The following STXBP4 variants were observed in gnomAD, a reference collection of about 807,000 sequenced individuals.
The protein encoded by STXBP4 is syntaxin binding protein 4.
Under a neutral mutation model 76.1 loss-of-function variants are expected in STXBP4, and 55 were observed. The ratio of observed to expected loss-of-function variants is 0.72; its 90% CI spans 0.58 to 0.91. STXBP4 has a LOEUF of 0.91. Among genes scored for constraint, STXBP4 ranks in the 40% least tolerant of loss-of-function variants. STXBP4 has a pLI of 0.00. For synonymous variants in STXBP4, 201 were observed against 220.2 expected (o/e 0.91, Z 0.77); for missense variants, 618 against 636.9 (o/e 0.97, Z 0.32).
At chr17:55,100,032 A>C (rs2079544986) in intron 16 of STXBP4, among the ~76,000 whole-genome samples, 1 of 152,186 alleles carries the variant, frequency 6.6e-6, no homozygotes, top group African/African-American at 2.4e-5. Flanking sequence ...AAAAGGGAGA[A>C]ACTAAAGTAA....
intron 4 of STXBP4, among the ~76,000 whole-genome samples, chr17:54,992,050 T>C (rs894138493): frequency 6.6e-6 from 1 of 152,066 alleles, no homozygotes; most frequent in African/African-American, 2.4e-5. Context: ...TCCAAAATAG[T>C]TGTAGTACTT....
intron 1 of STXBP4, among the ~76,000 whole-genome samples, chr17:54,977,795 T>C (rs2077493333): frequency 6.6e-6 from 1 of 152,370 alleles, no homozygotes; most frequent in Non-Finnish European, 1.5e-5. Flanking sequence ...CTAAATGCTG[T>C]CATTTTTGTG....
chr17:55,056,030 T>C (rs1213200277), intron 12 of STXBP4, among the ~76,000 whole-genome samples: 1 of 152,158 alleles, frequency 6.6e-6, no homozygotes, highest in Non-Finnish European at 1.5e-5. Context: ...AAGGTTAAAC[T>C]GACAGCAAGT....
At position 55,030,444 on chromosome 17, in the gene STXBP4, G is replaced by A. The variant is rs919731471; in HGVS notation, c.667-724G>A. Among the ~76,000 whole-genome samples the A allele has an allele frequency of 1.3e-4, 20 of 152,218 alleles. No homozygotes were observed. The East Asian group carries it at 1.4e-3, about 10-fold the overall frequency. On this transcript the variant is annotated intron_variant, in intron 8 of 17. Coordinates refer to ENST00000376352, the MANE Select transcript of STXBP4 (RefSeq NM_178509.6). ...ACTTCCCCTTGTATCTCATTGGCTAGTACCTAGTTAGTTACATGGCCGCAT... is the reference window on the plus strand; with the variant it reads ...ACTTCCCCTTGTATCTCATTGGCTAATACCTAGTTAGTTACATGGCCGCAT...
chr17:55,146,594 G>A (rs1598349669), intron 17 of STXBP4, among the ~76,000 whole-genome samples: 2 of 152,268 alleles, frequency 1.3e-5, no homozygotes, highest in Non-Finnish European at 2.9e-5. Flanking sequence ...GCTGGTGCCT[G>A]TAGTCCCAGC....
At chr17:55,181,316 T>G in the STXBP4 span, among the ~76,000 whole-genome samples, 1 of 152,214 alleles carries the variant, frequency 6.6e-6, no homozygotes, top group South Asian at 2.1e-4. Context: ...ATTTTTTAAA[T>G]AAATCTTAAA....
rs1166474683 is a variant in STXBP4 at position 55,170,376 on chromosome 17, A to G, written c.*10465A>G. ...TAACATCAAGTGGTAATAACAGGAA[A>G]CAGATCTGTATACAATATAAAACCA... On this transcript the variant is annotated 3_prime_UTR_variant, in exon 18 of 18. Transcript: ENST00000376352. The G allele has an allele frequency of 1.3e-5, 2 of 152,166 alleles. No individual in the cohort carries two copies. Among genetic ancestry groups the G allele is most frequent in the African/African-American group, 4.8e-5 (2 of 41,436 alleles). The allele number at this position is 152,166 out of a possible 1,614,324, so 9.4% of individuals were successfully genotyped here. A position where few individuals can be genotyped will look rare whatever the true frequency, so the allele number is the denominator to read the frequency against.
At chr17:55,129,313 C>G (rs912031670) in intron 16 of STXBP4, among the ~76,000 whole-genome samples, 23 of 151,814 alleles carry the variant, frequency 1.5e-4, no homozygotes, top group African/African-American at 5.3e-4. Context: ...CCCTCTTTTT[C>G]TTTGATCATT....
At chr17:55,059,089 A>G (rs765866797) in intron 12 of STXBP4, among the ~76,000 whole-genome samples, 1 of 152,106 alleles carries the variant, frequency 6.6e-6, no homozygotes, top group Non-Finnish European at 1.5e-5. Flanking sequence ...TTCACTTTAC[A>G]TTTAATTTAA....
chr17:55,113,701 A>C (rs1420231934), intron 16 of STXBP4, among the ~76,000 whole-genome samples: 1 of 152,172 alleles, frequency 6.6e-6, no homozygotes, highest in African/African-American at 2.4e-5. Context: ...ATAAGCCGGA[A>C]AAACTGCTCA....
the STXBP4 span, among the ~76,000 whole-genome samples, chr17:55,207,801 C>T: frequency 1.3e-5 from 2 of 152,180 alleles, no homozygotes; most frequent in African/African-American, 4.8e-5. Flanking sequence ...CACGTGCGCA[C>T]GTGTGCAAAC....
chr17:55,062,346 T>G (rs1054218208), intron 12 of STXBP4, among the ~76,000 whole-genome samples: 1 of 152,166 alleles, frequency 6.6e-6, no homozygotes, highest in Non-Finnish European at 1.5e-5. Flanking sequence ...AGTGTTTGGT[T>G]TTCTGTTCCT....
At chr17:54,984,339 CTTTTTTTT>C (rs60222961) in intron 1 of STXBP4, among the ~76,000 whole-genome samples, 4 of 81,200 alleles carry the variant, frequency 4.9e-5, no homozygotes, top group African/African-American at 1.2e-4. Context: ...TTTCTTTTTT[CTTTTTTTT>C]TTTTTTTTTT....
chr17:55,190,654 C>G, the STXBP4 span, among the ~76,000 whole-genome samples: 1 of 152,134 alleles, frequency 6.6e-6, no homozygotes, highest in African/African-American at 2.4e-5. Flanking sequence ...GGTGGATCTG[C>G]TCCCGAGGGA....
rs147298786 is a variant in STXBP4 at position 55,103,124 on chromosome 17, C to G, written c.1489+21941C>G. Among the ~76,000 whole-genome samples, 546 of 152,232 alleles carry G rather than the reference C, an allele frequency of 3.6e-3. 3 individuals are homozygous for G. Among genetic ancestry groups the G allele is most frequent in the African/African-American group, 0.013 (528 of 41,548 alleles). ...TAGTTTCTTTTGCTGTGCAGAAGCT[C>G]TTTAGTTTAATTAGATTCCATTTGT... is the stretch of plus-strand genomic sequence containing the variant. On this transcript the variant is annotated intron_variant, in intron 16 of 17. Coordinates refer to ENST00000376352, the MANE Select transcript of STXBP4 (RefSeq NM_178509.6).
intron 12 of STXBP4, among the ~76,000 whole-genome samples, chr17:55,055,627 A>G (rs2078914487): frequency 6.6e-6 from 1 of 152,202 alleles, no homozygotes; most frequent in Non-Finnish European, 1.5e-5. Context: ...TGCTGCAAGT[A>G]GAAACCTCCA....
At chr17:55,001,052 CT>C (rs1393350526) in intron 7 of STXBP4, among the ~76,000 whole-genome samples, 169 bp downstream of exon 7, 3 of 152,114 alleles carry the variant, frequency 2.0e-5, no homozygotes, top group Non-Finnish European at 2.9e-5. Context: ...TAAAGTATGA[CT>C]TTTATTAGAT....
chr17:55,081,500 A>G (rs186412321), intron 16 of STXBP4, among the ~76,000 whole-genome samples: 146 of 152,306 alleles, frequency 9.6e-4, no homozygotes, highest in Non-Finnish European at 4.3e-4. Flanking sequence ...CTTGTTGTTA[A>G]ATAATAATAT....
intron 7 of STXBP4, among the ~76,000 whole-genome samples, chr17:55,003,637 C>T (rs1312205617): frequency 6.6e-6 from 1 of 152,104 alleles, no homozygotes; most frequent in Non-Finnish European, 1.5e-5. Flanking sequence ...TTAACCTCAA[C>T]AAAAGTAAAT....
Sources: allele counts gnomAD v4.1 joint callset (sites outside exome capture counted in the v4.1 genomes callset), GRCh38; gene constraint gnomAD v4.1.1; transcripts MANE v1.5; gene names NCBI Gene and HGNC (gene_info 2026-07-23, HGNC 2026-07-21).